The following UTS2B variants were observed in gnomAD, a reference collection of about 807,000 sequenced individuals.
UTS2B encodes urotensin-2B.
A neutral mutation model predicts 19.2 loss-of-function variants in UTS2B; 21 were observed. The observed-to-expected ratio is 1.09, with a 90% CI of 0.78 to 1.58. The LOEUF is 1.58. Ranked by LOEUF, UTS2B falls within the 40% of genes most tolerant of loss-of-function variation. UTS2B has a pLI of 0.00. For synonymous variants in UTS2B, 57 were observed against 50.2 expected (o/e 1.14, Z -0.58); for missense variants, 138 against 130.3 (o/e 1.06, Z -0.29).
chr3:191,306,202 A>T (rs2108598347), intron 3 of UTS2B, among the ~76,000 whole-genome samples: 1 of 152,320 alleles, frequency 6.6e-6, no homozygotes, highest in East Asian at 1.9e-4. Context: ...AGTGCTGTGA[A>T]GAATGTCAAT....
intron 3 of UTS2B, among the ~76,000 whole-genome samples, chr3:191,309,455 G>A (rs1446954897): frequency 2.6e-5 from 4 of 151,986 alleles, no homozygotes; most frequent in Non-Finnish European, 2.9e-5. Flanking sequence ...TTACAGGCGT[G>A]AGCCACCTCG....
chr3:191,346,018 T>C, the UTS2B span, among the ~76,000 whole-genome samples: 1 of 152,252 alleles, frequency 6.6e-6, no homozygotes, highest in African/African-American at 2.4e-5. Context: ...AAAGAGCTGG[T>C]ATAATTTCTC....
chr3:191,277,183 CG>C (rs1274819274), intron 6 of UTS2B, among the ~76,000 whole-genome samples: 1 of 151,874 alleles, frequency 6.6e-6, no homozygotes, highest in Non-Finnish European at 1.5e-5. Context: ...GGGTTGTGGG[CG>C]GGGGGAAGCA....
chr3:191,314,483 C>A (rs1717394444), intron 3 of UTS2B, among the ~76,000 whole-genome samples: 1 of 152,212 alleles, frequency 6.6e-6, no homozygotes, highest in South Asian at 2.1e-4. Flanking sequence ...ACTCTTCTCT[C>A]ATGGGTCATT....
At chr3:191,273,102 A>G (rs1422072606) in intron 8 of UTS2B, among the ~76,000 whole-genome samples, 1 of 152,192 alleles carries the variant, frequency 6.6e-6, no homozygotes, top group East Asian at 1.9e-4. Flanking sequence ...TGGGAGGCAG[A>G]GGTTGCAGTG....
chr3:191,310,974 T>C (rs1224602742), intron 3 of UTS2B, among the ~76,000 whole-genome samples: 1 of 152,268 alleles, frequency 6.6e-6, no homozygotes, highest in Non-Finnish European at 1.5e-5. Flanking sequence ...AGTTGGCTTT[T>C]ATTTCAAAGG....
intron 3 of UTS2B, among the ~76,000 whole-genome samples, chr3:191,312,676 T>C (rs1310777662): frequency 6.6e-6 from 1 of 152,186 alleles, no homozygotes; most frequent in Non-Finnish European, 1.5e-5. Flanking sequence ...GGCCAGTAAT[T>C]TGCCATTTCA....
chr3:191,288,389 T>C (rs1470355568), intron 4 of UTS2B, among the ~76,000 whole-genome samples: 3 of 152,120 alleles, frequency 2.0e-5, no homozygotes, highest in Non-Finnish European at 4.4e-5. Context: ...TACAATACTA[T>C]CATTATCTAA....
the UTS2B span, among the ~76,000 whole-genome samples, chr3:191,340,675 A>C: frequency 6.6e-6 from 1 of 152,214 alleles, no homozygotes; most frequent in African/African-American, 2.4e-5. Context: ...GGAGCTTATT[A>C]AACATTTTAG....
At chr3:191,327,903 C>A (rs1269141809) in intron 2 of UTS2B, among the ~76,000 whole-genome samples, 3 of 152,152 alleles carry the variant, frequency 2.0e-5, no homozygotes, top group Non-Finnish European at 4.4e-5. Context: ...CCTTCTTATT[C>A]CCACATTTAA....
intron 2 of UTS2B, among the ~76,000 whole-genome samples, chr3:191,327,886 A>G (rs1233655249): frequency 6.6e-6 from 1 of 152,170 alleles, no homozygotes; most frequent in African/African-American, 2.4e-5. Context: ...CCTTTCTAAT[A>G]CCACTTCCTT....
At chr3:191,315,460 T>G (rs1560146008) in intron 3 of UTS2B, among the ~76,000 whole-genome samples, 2 of 152,336 alleles carry the variant, frequency 1.3e-5, no homozygotes, top group East Asian at 1.9e-4. Context: ...CCTAAGCTGC[T>G]GGATCTGATA....
upstream of UTS2B, among the ~76,000 whole-genome samples, chr3:191,333,146 A>G (rs899520205): frequency 6.6e-6 from 1 of 152,062 alleles, no homozygotes; most frequent in South Asian, 2.1e-4. Flanking sequence ...AACATCTGAA[A>G]TCAGTTTACC....
chr3:191,275,253 T>G lies in UTS2B; in HGVS notation c.333A>C (p.Arg111=). 6.3e-7 allele frequency: 1 copy of G among 1,599,802 alleles called. No individual in the cohort carries two copies. Residue 111 remains arginine, a splice_region_variant and synonymous_variant, in exon 8 of 9, where the codon CGA becomes CGC. Coordinates refer to ENST00000340524, the MANE Select transcript of UTS2B (RefSeq NM_198152.5). ...DGLFSSHPSK[R]ACFWKYCV is the part of the protein sequence containing the mutation. ...TAAAACCTTGAAATGAAAGCTTACCTCGTTTGCTAGGATGAGAAGAGAATA... is the reference window on the plus strand; with the variant it reads ...TAAAACCTTGAAATGAAAGCTTACCGCGTTTGCTAGGATGAGAAGAGAATA...
chr3:191,306,681 T>C (rs991131666), intron 3 of UTS2B, among the ~76,000 whole-genome samples: 1 of 152,210 alleles, frequency 6.6e-6, no homozygotes, highest in Admixed American at 6.5e-5. Context: ...TCACCCAGGC[T>C]GGAGTGCAAT....
intron 2 of UTS2B, among the ~76,000 whole-genome samples, chr3:191,316,753 T>G (rs926183071): frequency 6.6e-6 from 1 of 152,182 alleles, no homozygotes; most frequent in South Asian, 2.1e-4. Context: ...CACTGATCGG[T>G]GCTTTTACAA....
intron 4 of UTS2B, among the ~76,000 whole-genome samples, chr3:191,292,314 T>C (rs1407874212): frequency 1.3e-5 from 2 of 152,300 alleles, no homozygotes; most frequent in East Asian, 1.9e-4. Context: ...ACAAGTCTTA[T>C]GCTTCTTTGG....
intron 2 of UTS2B, among the ~76,000 whole-genome samples, chr3:191,318,388 G>C (rs1717523497): frequency 6.6e-6 from 1 of 152,230 alleles, no homozygotes; most frequent in African/African-American, 2.4e-5. Context: ...CTAAACTATA[G>C]GCCTCCTGCA....
At chr3:191,288,774 T>C (rs1197552874) in intron 4 of UTS2B, among the ~76,000 whole-genome samples, 3 of 152,104 alleles carry the variant, frequency 2.0e-5, no homozygotes, top group Non-Finnish European at 4.4e-5. Context: ...TCCCACACTA[T>C]ATGCAAAAAT....
Sources: allele counts gnomAD v4.1 joint callset (sites outside exome capture counted in the v4.1 genomes callset), GRCh38; gene constraint gnomAD v4.1.1; transcripts MANE v1.5; gene names NCBI Gene and HGNC (gene_info 2026-07-23, HGNC 2026-07-21).